Variants in HDAC4 observed in about 807,000 individuals in gnomAD.
HDAC4 encodes histone deacetylase 4, also known as histone deacetylase A.
In HDAC4, 16 loss-of-function variants were observed where a neutral mutation model predicts 135.1. That is an observed-to-expected ratio of 0.12 (90% CI 0.08 to 0.18). The LOEUF (loss-of-function observed/expected upper bound fraction) is 0.18, where lower values mean the gene tolerates loss of function less well. HDAC4 is among the 10% of genes least tolerant of loss of function. HDAC4 has a pLI of 1.00. For synonymous variants in HDAC4, 685 were observed against 653.4 expected (o/e 1.05, Z -0.74); for missense variants, 1,143 against 1,511.8 (o/e 0.76, Z 4.05).
chr2:239,311,928 G>A (rs930199801), intron 2 of HDAC4, among the ~76,000 whole-genome samples: 2 of 152,162 alleles, frequency 1.3e-5, no homozygotes, highest in Non-Finnish European at 2.9e-5. Context: ...GCTCAGAACG[G>A]GTTCCTCTAA....
intron 3 of HDAC4, among the ~76,000 whole-genome samples, chr2:239,209,755 A>C (rs1389572437): frequency 6.6e-6 from 1 of 152,256 alleles, no homozygotes; most frequent in Non-Finnish European, 1.5e-5. Flanking sequence ...AGCAACTGAC[A>C]AAGGACCTGT....
intron 2 of HDAC4, among the ~76,000 whole-genome samples, chr2:239,260,056 T>C (rs926008140): frequency 2.0e-5 from 3 of 152,226 alleles, no homozygotes; most frequent in Non-Finnish European, 4.4e-5. Flanking sequence ...AACGCTGTGA[T>C]TGATTTCCTA....
chr2:239,273,087 C>T (rs945981647), intron 2 of HDAC4, among the ~76,000 whole-genome samples: 13 of 152,106 alleles, frequency 8.5e-5, no homozygotes, highest in Admixed American at 2.0e-4. Flanking sequence ...GGACTTTACA[C>T]ATGTGATTAA....
At position 239,082,027 on chromosome 2, in the gene HDAC4, C is replaced by T. The variant is rs369844544; in HGVS notation, c.2652+75G>A. Reference sequence around the variant, plus strand: ...TCACTGCTGCCGGGCAGCTGTGGACCGTCTGCCCCGTGCCCCCACAGCGGC... The same window carrying T: ...TCACTGCTGCCGGGCAGCTGTGGACTGTCTGCCCCGTGCCCCCACAGCGGC... On this transcript the variant is annotated intron_variant, in intron 21 of 26. Transcript: ENST00000543185. 7.5e-5 allele frequency: 114 copies of T among 1,524,788 alleles called. No homozygotes were observed. The Admixed American group carries it at 9.2e-4, about 12-fold the overall frequency. 94.5% of individuals were successfully genotyped at this position (1,524,788 alleles called of 1,614,324 possible).
chr2:239,370,500 C>T (rs189593553), intron 1 of HDAC4, among the ~76,000 whole-genome samples: 3 of 152,364 alleles, frequency 2.0e-5, no homozygotes, highest in Admixed American at 1.3e-4. Flanking sequence ...CTCTGGACTC[C>T]CTGCAGCGCC....
intron 2 of HDAC4, among the ~76,000 whole-genome samples, chr2:239,337,104 T>G (rs941934639): frequency 1.4e-4 from 21 of 152,302 alleles, no homozygotes; most frequent in African/African-American, 5.1e-4. Context: ...GAAAGTGCCA[T>G]TCTCATCATA....
chr2:239,361,224 T>C (rs529281396), intron 1 of HDAC4, among the ~76,000 whole-genome samples: 4 of 152,342 alleles, frequency 2.6e-5, no homozygotes, highest in African/African-American at 9.6e-5. Context: ...ACAACAAAAC[T>C]GTGAACTGAA....
intron 7 of HDAC4, among the ~76,000 whole-genome samples, chr2:239,155,804 C>T (rs1260740551): frequency 6.6e-6 from 1 of 152,194 alleles, no homozygotes; most frequent in Non-Finnish European, 1.5e-5. Context: ...TTGGGATTTC[C>T]CACACTGTCT....
rs1441976077 is a variant in HDAC4 at position 239,141,794 on chromosome 2, T to TA, written c.866-1999dup. Reference sequence around the variant, plus strand: ...GAGTCCGGACAACTTTTTGGGGCGGTAAAAATTATATGTGTAACTTTCCAC... The same window carrying TA: ...GAGTCCGGACAACTTTTTGGGGCGGTAAAAAATTATATGTGTAACTTTCCAC... On this transcript the variant is annotated intron_variant, in intron 8 of 26. Coordinates refer to ENST00000543185, the MANE Select transcript of HDAC4 (RefSeq NM_001378414.1). This position sits in a 1 kb window ranked among gnomAD's most constrained non-coding sequence, Gnocchi z 4.9. Among the ~76,000 whole-genome samples, 1 of 152,176 alleles carries TA rather than the reference T, an allele frequency of 6.6e-6. No homozygotes were observed. The highest frequency in any genetic ancestry group is 1.5e-5 in the Non-Finnish European group (1 of 68,034).
At chr2:239,085,206 G>A (rs983250575) in intron 19 of HDAC4, among the ~76,000 whole-genome samples, 2 of 151,900 alleles carry the variant, frequency 1.3e-5, no homozygotes, top group Non-Finnish European at 1.5e-5. Context: ...CATGGCAGCC[G>A]TTCATCTCAG....
At chr2:239,355,894 G>T (rs1368244244) in intron 1 of HDAC4, among the ~76,000 whole-genome samples, 1 of 152,190 alleles carries the variant, frequency 6.6e-6, no homozygotes. Flanking sequence ...TGTCTAGCAA[G>T]GTTTCACCTA....
chr2:239,277,031 G>T (rs2050411082), intron 2 of HDAC4, among the ~76,000 whole-genome samples: 1 of 152,170 alleles, frequency 6.6e-6, no homozygotes, highest in African/African-American at 2.4e-5. Flanking sequence ...TCCTGGGCCT[G>T]CATTTGCCCC....
chr2:239,134,233 A>G lies in HDAC4; in HGVS notation c.1294+12T>C. The G allele has an allele frequency of 6.2e-7, 1 of 1,606,912 alleles. No homozygotes were observed. The highest frequency in any genetic ancestry group is 8.5e-7 in the Non-Finnish European group (1 of 1,178,812). On this transcript the variant is annotated intron_variant, in intron 11 of 26. Coordinates refer to ENST00000543185, the MANE Select transcript of HDAC4 (RefSeq NM_001378414.1). ...TCAGAGCCTGGCTGCACCCAGGCCC[A>G]TTTGTGCTCACCTGTGACGAGGGGT...
intron 13 of HDAC4, among the ~76,000 whole-genome samples, chr2:239,112,469 G>A (rs2038765300): frequency 6.6e-6 from 1 of 152,212 alleles, no homozygotes; most frequent in South Asian, 2.1e-4. Context: ...CAGCTTCTGG[G>A]CACCCAGGAC....
intron 24 of HDAC4, among the ~76,000 whole-genome samples, chr2:239,061,064 G>C (rs2106503439): frequency 6.6e-6 from 1 of 152,398 alleles, no homozygotes; most frequent in East Asian, 1.9e-4. Flanking sequence ...ACACGACGTG[G>C]ACCCTGTGCG....
chr2:239,204,444 T>C (rs1257126506), intron 3 of HDAC4, among the ~76,000 whole-genome samples: 2 of 152,194 alleles, frequency 1.3e-5, no homozygotes, highest in Non-Finnish European at 2.9e-5. Context: ...CCAGGCAGAA[T>C]GTCAGGAACG....
chr2:239,223,922 C>T lies in HDAC4; in HGVS notation c.94+12671G>A, dbSNP rs376309621. Among the ~76,000 whole-genome samples, 9 of 152,200 alleles carry T rather than the reference C, an allele frequency of 5.9e-5. No individual in the cohort carries two copies. In the East Asian group the frequency reaches 1.5e-3, roughly 26 times the overall value. On this transcript the variant is annotated intron_variant, in intron 3 of 26. Transcript: ENST00000543185. ...GACCTTGCACGGAGGAGATCCACTG[C>T]CCGGGAGAGTTCATGTCCATGTATC... is the stretch of plus-strand genomic sequence containing the variant.
At chr2:239,247,131 C>T (rs578258734) in intron 2 of HDAC4, among the ~76,000 whole-genome samples, 9 of 152,256 alleles carry the variant, frequency 5.9e-5, no homozygotes, top group Non-Finnish European at 1.0e-4. Context: ...ACTAGCTCTG[C>T]GGTCTGCTCG....
At position 239,126,632 on chromosome 2, in the gene HDAC4, G is replaced by A. The variant is rs1435487121; in HGVS notation, c.1357C>T (p.Arg453Trp). 3.9e-5 allele frequency: 63 copies of A among 1,613,882 alleles called. No individual in the cohort carries two copies. Among genetic ancestry groups the A allele is most frequent in the Non-Finnish European group, 5.3e-5 (62 of 1,179,970 alleles). ...AGCTTGTGGATGGAGGGGGACACCCGGTCTGCACCAACCAAGGACTGTGCG... is the reference window on the plus strand; with the variant it reads ...AGCTTGTGGATGGAGGGGGACACCCAGTCTGCACCAACCAAGGACTGTGCG... ...LHAQSLVGAD[R>W]VSPSIHKLRQ... Residue 453 changes from arginine to tryptophan, a missense_variant, in exon 12 of 27, where the codon CGG becomes TGG. Coordinates refer to ENST00000543185, the MANE Select transcript of HDAC4 (RefSeq NM_001378414.1).
Sources: gnomAD v4.1 joint callset for allele counts (sites outside exome capture counted in the v4.1 genomes callset) on GRCh38, gnomAD v4.1.1 for gene constraint, Gnocchi (gnomAD v3.1) non-coding constraint, MANE v1.5 for transcripts, NCBI Gene and HGNC (gene_info 2026-07-23, HGNC 2026-07-21) for gene names.